The following CEP57L1 variants were observed in gnomAD, a reference collection of about 807,000 sequenced individuals.
The protein encoded by CEP57L1 is centrosomal protein 57 like 1.
CEP57L1 carries 37 observed loss-of-function variants against 61.0 expected under a neutral mutation model. The observed-to-expected ratio is 0.61, with a 90% CI of 0.47 to 0.80. CEP57L1 has a LOEUF of 0.80. CEP57L1 is among the 30% of genes least tolerant of loss of function. The probability of loss-of-function intolerance (pLI) is 0.00; values close to 1 mark genes in which losing one functional copy is unlikely to be tolerated. For missense variants in CEP57L1, 422 were observed against 524.7 expected (o/e 0.80, Z 1.91); for synonymous variants, 137 against 162.3 (o/e 0.84, Z 1.19).
chr6:109,138,884 C>T (rs900965708), intron 1 of CEP57L1, among the ~76,000 whole-genome samples: 2 of 152,174 alleles, frequency 1.3e-5, no homozygotes, highest in African/African-American at 4.8e-5. Flanking sequence ...AATTCTTTTC[C>T]TTCGTCATAG....
At chr6:109,150,517 C>T (rs1208495789) in intron 4 of CEP57L1, among the ~76,000 whole-genome samples, 1 of 151,902 alleles carries the variant, frequency 6.6e-6, no homozygotes, top group East Asian at 1.9e-4. Context: ...CAAAAATTAG[C>T]CGGGCTTGGT....
rs1773934413 is a variant in CEP57L1 at position 109,164,031 on chromosome 6, T to C, written c.*1061T>C. On this transcript the variant is annotated 3_prime_UTR_variant, in exon 11 of 11. Transcript: ENST00000517392. ...AAATAGAGGACAGAGAGAAAAGATA[T>C]AATAGAATGGAGGAGCTCAAATATA... is the stretch of plus-strand genomic sequence containing the variant. 1 of 152,020 alleles carries C rather than the reference T, an allele frequency of 6.6e-6. No individual in the cohort carries two copies. Among genetic ancestry groups the C allele is most frequent in the African/African-American group, 2.4e-5 (1 of 41,382 alleles). 9.4% of individuals were successfully genotyped at this position (152,020 alleles called of 1,614,324 possible). A position where few individuals can be genotyped will look rare whatever the true frequency, so the allele number is the denominator to read the frequency against.
chr6:109,158,900 T>G, intron 7 of CEP57L1, 125 bp from the exon 8 acceptor site: 1 of 854,578 alleles, frequency 1.2e-6, no homozygotes, highest in South Asian at 1.7e-5. Context: ...TCAGTGAAAT[T>G]TCTGTCCATG....
intron 1 of CEP57L1, among the ~76,000 whole-genome samples, chr6:109,114,302 T>C (rs902265436): frequency 1.3e-5 from 2 of 152,160 alleles, no homozygotes; most frequent in Non-Finnish European, 2.9e-5. Flanking sequence ...ATTTCTTTGA[T>C]GATTAGAGAT....
At chr6:109,103,894 T>C (rs776815419) in intron 1 of CEP57L1, among the ~76,000 whole-genome samples, 15 of 152,218 alleles carry the variant, frequency 9.9e-5, no homozygotes, top group Non-Finnish European at 1.3e-4. Context: ...TATACATATA[T>C]AGGGGTAAGA....
intron 1 of CEP57L1, among the ~76,000 whole-genome samples, chr6:109,124,300 G>T (rs974039457): frequency 6.6e-6 from 1 of 152,132 alleles, no homozygotes; most frequent in Admixed American, 6.6e-5. Context: ...CCTCAGATCT[G>T]GTTTCTGCTT....
In CEP57L1 at chr6:109,160,639, T is replaced by C. The variant is rs1773634864; in HGVS notation, c.1084T>C (p.Cys362Arg). ...TCATTCAGTCTGTGACGACATAGAA[T>C]GTGAACTAGAGTGTTTACTCAAGAA... ...ESHSVCDDIECELECLLKKME... is the reference protein window; with the variant it reads ...ESHSVCDDIERELECLLKKME... Residue 362 changes from cysteine (C) to arginine (R), a missense_variant, in exon 10 of 11, where the codon TGT (cysteine) becomes CGT (arginine). Physicochemically the swap from Cys to Arg is radical, Grantham distance 180. Transcript: ENST00000517392. The C allele has an allele frequency of 6.2e-7, 1 of 1,608,756 alleles. No individual in the cohort carries two copies. The highest frequency in any genetic ancestry group is 1.3e-5 in the African/African-American group (1 of 74,556).
intron 1 of CEP57L1, among the ~76,000 whole-genome samples, chr6:109,109,799 C>T (rs1355323048): frequency 1.3e-5 from 2 of 152,156 alleles, no homozygotes; most frequent in African/African-American, 4.8e-5. Context: ...GTTTGGTTTT[C>T]TGTTCTTGCG....
In CEP57L1 at chr6:109,171,588, T is replaced by A. The variant is rs1413246645; in HGVS notation, c.*8618T>A. On this transcript the variant is annotated 3_prime_UTR_variant, in exon 11 of 11. Coordinates refer to ENST00000517392, the MANE Select transcript of CEP57L1 (RefSeq NM_001271852.3). ...AACCGTTCTACTAAAATACTATCAGTTTAAACTACCATCTACAGAAATAAA... is the reference window on the plus strand; with the variant it reads ...AACCGTTCTACTAAAATACTATCAGATTAAACTACCATCTACAGAAATAAA... Among the ~76,000 whole-genome samples the A allele has an allele frequency of 6.6e-6, 1 of 152,058 alleles. No homozygotes were observed. The highest frequency in any genetic ancestry group is 1.9e-4 in the East Asian group (1 of 5,202).
At chr6:109,157,970 C>T (rs1040231089) in intron 7 of CEP57L1, 3 of 152,238 alleles carry the variant, frequency 2.0e-5, no homozygotes, top group Non-Finnish European at 4.4e-5. Context: ...TATAGCTACA[C>T]ATCCCCTTCC....
At chr6:109,125,817 G>C (rs1309329706) in intron 1 of CEP57L1, among the ~76,000 whole-genome samples, 1 of 151,846 alleles carries the variant, frequency 6.6e-6, no homozygotes, top group African/African-American at 2.4e-5. Flanking sequence ...AACATTATAA[G>C]AATGTTGAAA....
At chr6:109,107,786 C>G (rs1408401783) in intron 1 of CEP57L1, among the ~76,000 whole-genome samples, 1 of 151,376 alleles carries the variant, frequency 6.6e-6, no homozygotes, top group Non-Finnish European at 1.5e-5. Context: ...AATAAAAATC[C>G]CAAAATTAGC....
intron 1 of CEP57L1, among the ~76,000 whole-genome samples, chr6:109,135,823 A>C (rs1024167592): frequency 1.8e-4 from 28 of 152,382 alleles, no homozygotes; most frequent in African/African-American, 6.5e-4. Flanking sequence ...ACTGCTCATC[A>C]TCACTGGCCA....
chr6:109,149,257 A>G (rs981254479), intron 3 of CEP57L1, among the ~76,000 whole-genome samples: 1 of 152,188 alleles, frequency 6.6e-6, no homozygotes, highest in Non-Finnish European at 1.5e-5. Flanking sequence ...TTTTAGGTCT[A>G]ACGTTTAAGT....
chr6:109,096,546 G>C (rs1422790013), intron 1 of CEP57L1, among the ~76,000 whole-genome samples: 1 of 152,188 alleles, frequency 6.6e-6, no homozygotes, highest in Non-Finnish European at 1.5e-5. Flanking sequence ...GCGGTGTGGG[G>C]TGGGACGGGA....
At chr6:109,124,297 T>C (rs1403875963) in intron 1 of CEP57L1, among the ~76,000 whole-genome samples, 3 of 152,188 alleles carry the variant, frequency 2.0e-5, no homozygotes, top group Admixed American at 6.5e-5. Flanking sequence ...ACTCCTCAGA[T>C]CTGGTTTCTG....
intron 1 of CEP57L1, among the ~76,000 whole-genome samples, chr6:109,134,950 A>G (rs188356695): frequency 6.6e-5 from 10 of 152,248 alleles, no homozygotes; most frequent in Admixed American, 2.6e-4. Flanking sequence ...CATGCTCATG[A>G]GTAGGAAGAA....
At chr6:109,099,154 A>G (rs1233879609) in intron 1 of CEP57L1, among the ~76,000 whole-genome samples, 3 of 152,204 alleles carry the variant, frequency 2.0e-5, no homozygotes, top group Admixed American at 2.0e-4. Context: ...CAGTTGAATA[A>G]ATGAGTCCAG....
chr6:109,132,792 CCTAA>C (rs1049572498), intron 1 of CEP57L1, among the ~76,000 whole-genome samples: 1 of 152,010 alleles, frequency 6.6e-6, no homozygotes, highest in Non-Finnish European at 1.5e-5. Context: ...TTAAATTTTG[CCTAA>C]CTGTTAGATA....
Sources: gnomAD v4.1 joint callset for allele counts (sites outside exome capture counted in the v4.1 genomes callset) on GRCh38, gnomAD v4.1.1 for gene constraint, MANE v1.5 for transcripts, NCBI Gene and HGNC (gene_info 2026-07-23, HGNC 2026-07-21) for gene names.